The following CPA6 variants were observed in gnomAD, a reference collection of about 807,000 sequenced individuals.
CPA6 encodes the protein carboxypeptidase B.
A neutral mutation model predicts 63.3 loss-of-function variants in CPA6; 58 were observed. The ratio of observed to expected loss-of-function variants is 0.92; its 90% CI spans 0.74 to 1.14. The LOEUF is 1.14. CPA6 is among the 50% of genes most tolerant of loss of function. CPA6 has a pLI of 0.00. For missense variants in CPA6, 565 were observed against 526.6 expected, an observed-to-expected ratio of 1.07 and a Z score of -0.71; for synonymous variants, 185 against 179.0, an observed-to-expected ratio of 1.03 and a Z score of -0.27.
chr8:67,684,601 T>G (rs996555026), intron 1 of CPA6, among the ~76,000 whole-genome samples: 4 of 152,154 alleles, frequency 2.6e-5, no homozygotes, highest in African/African-American at 4.8e-5. Flanking sequence ...ATTGGCCGGA[T>G]GCCTGGAAAT....
chr8:67,484,044 C>G (rs1334055287), intron 7 of CPA6, among the ~76,000 whole-genome samples, 186 bp from the exon 8 acceptor site: 1 of 151,512 alleles, frequency 6.6e-6, no homozygotes, highest in African/African-American at 2.4e-5. Flanking sequence ...GCTCCAATTT[C>G]TGCTACAAAC....
intron 1 of CPA6, among the ~76,000 whole-genome samples, chr8:67,719,391 A>T (rs1228960421): frequency 6.6e-6 from 1 of 152,034 alleles, no homozygotes; most frequent in Non-Finnish European, 1.5e-5. Context: ...AGGATTGGGG[A>T]AATGGGCAGG....
Position 67,545,943 on chromosome 8 carries a change from G to A in CPA6, c.193-27896C>T, listed in dbSNP as rs183905592. 2.1e-3 allele frequency among the ~76,000 whole-genome samples: 325 copies of A among 152,164 alleles called. 5 individuals carry two copies. Among genetic ancestry groups the A allele is most frequent in the Non-Finnish European group, 2.6e-4 (18 of 68,006 alleles). ...AGTAGAAGATAAAGTCCAAACTCCT[G>A]GACAGCACATCTGAGCTCTCTGGTC... On this transcript the variant is annotated intron_variant, in intron 2 of 10. Coordinates refer to ENST00000297770, the MANE Select transcript of CPA6 (RefSeq NM_020361.5).
In CPA6 at chr8:67,659,205, A is replaced by G. The variant is rs536165148; in HGVS notation, c.117-34954T>C. Reference sequence around the variant, plus strand: ...AGGCAGGCCTCTTTTCGCTCTATAAAGGGCCTGGAGTCTCCCTTCCAAATG... The same window carrying G: ...AGGCAGGCCTCTTTTCGCTCTATAAGGGGCCTGGAGTCTCCCTTCCAAATG... On this transcript the variant is annotated intron_variant, in intron 1 of 10. Transcript: ENST00000297770. 5.3e-5 allele frequency among the ~76,000 whole-genome samples: 8 copies of G among 152,286 alleles called. No individual in the cohort carries two copies. In the South Asian group the frequency reaches 1.5e-3, roughly 28 times the overall value.
At chr8:67,472,448 A>G (rs925797254) in intron 8 of CPA6, among the ~76,000 whole-genome samples, 2 of 140,548 alleles carry the variant, frequency 1.4e-5, no homozygotes, top group East Asian at 3.9e-4. Flanking sequence ...TTATTGAGAC[A>G]GGGTCTGGCT....
At position 67,422,425 on chromosome 8, in the gene CPA6, C is replaced by T. The variant is rs772833643; in HGVS notation, c.*79G>A. The T allele has an allele frequency of 4.1e-5, 53 of 1,304,112 alleles. No homozygotes were observed. Among genetic ancestry groups the T allele is most frequent in the Non-Finnish European group, 5.3e-5 (49 of 932,988 alleles). The allele number at this position is 1,304,112 out of a possible 1,614,324, so 80.8% of individuals were successfully genotyped here. A position where few individuals can be genotyped will look rare whatever the true frequency, so the allele number is the denominator to read the frequency against. On this transcript the variant is annotated 3_prime_UTR_variant, in exon 11 of 11. Coordinates refer to ENST00000297770, the MANE Select transcript of CPA6 (RefSeq NM_020361.5). ...GTTCACTCTAAGCAGCTGCCCTTCTCTTTGAAAACAATTTCTATCCAGGGC... is the reference window on the plus strand; with the variant it reads ...GTTCACTCTAAGCAGCTGCCCTTCTTTTTGAAAACAATTTCTATCCAGGGC...
At chr8:67,581,889 A>G (rs1813782395) in intron 2 of CPA6, among the ~76,000 whole-genome samples, 1 of 152,184 alleles carries the variant, frequency 6.6e-6, no homozygotes, top group Admixed American at 6.5e-5. Context: ...AGATTGCATA[A>G]GCAAACAAAA....
At chr8:67,737,210 C>T (rs1374744891) in intron 1 of CPA6, among the ~76,000 whole-genome samples, 1 of 152,166 alleles carries the variant, frequency 6.6e-6, no homozygotes, top group Non-Finnish European at 1.5e-5. Flanking sequence ...CTCCTGACTC[C>T]CTCAGAGAAA....
At chr8:67,626,515 T>C (rs568143759) in intron 1 of CPA6, among the ~76,000 whole-genome samples, 1 of 152,320 alleles carries the variant, frequency 6.6e-6, no homozygotes, top group South Asian at 2.1e-4. Context: ...ATCAATGTCA[T>C]GAAGTTCATA....
At chr8:67,701,621 A>T (rs1817026453) in intron 1 of CPA6, among the ~76,000 whole-genome samples, 1 of 152,202 alleles carries the variant, frequency 6.6e-6, no homozygotes, top group South Asian at 2.1e-4. Context: ...CCCTTTCATC[A>T]ACACAACAGA....
chr8:67,558,274 CA>C (rs1453913490), intron 2 of CPA6, among the ~76,000 whole-genome samples: 1 of 152,148 alleles, frequency 6.6e-6, no homozygotes, highest in Non-Finnish European at 1.5e-5. Context: ...TCTGAACACC[CA>C]AAGAAATGCA....
chr8:67,582,228 A>G (rs546697273), intron 2 of CPA6, among the ~76,000 whole-genome samples: 52 of 152,268 alleles, frequency 3.4e-4, no homozygotes, highest in African/African-American at 1.2e-3. Flanking sequence ...CCCACCTCAG[A>G]TTCATCGCAC....
At chr8:67,567,059 A>G (rs79905214) in intron 2 of CPA6, among the ~76,000 whole-genome samples, 2,568 of 152,344 alleles carry the variant, frequency 0.017, 22 homozygotes, top group Non-Finnish European at 0.026. Flanking sequence ...TGGCACTTGG[A>G]CAGACTGAAA....
At chr8:67,668,073 T>G (rs957354176) in intron 1 of CPA6, among the ~76,000 whole-genome samples, 4 of 152,218 alleles carry the variant, frequency 2.6e-5, no homozygotes, top group African/African-American at 9.6e-5. Flanking sequence ...ACTAAAAGTG[T>G]CCTGTTTGAA....
chr8:67,456,510 T>G (rs1018193067), intron 8 of CPA6, among the ~76,000 whole-genome samples: 3 of 152,240 alleles, frequency 2.0e-5, no homozygotes, highest in African/African-American at 4.8e-5. Context: ...CCCCAGGCTC[T>G]TCTTCAGTCT....
intron 2 of CPA6, among the ~76,000 whole-genome samples, chr8:67,533,340 T>C (rs1812517616): frequency 6.6e-6 from 1 of 152,210 alleles, no homozygotes; most frequent in African/African-American, 2.4e-5. Flanking sequence ...TTGTTAACTG[T>C]TAAGAGATTA....
intron 2 of CPA6, among the ~76,000 whole-genome samples, chr8:67,582,879 T>A (rs1383957874): frequency 6.6e-6 from 1 of 152,140 alleles, no homozygotes; most frequent in East Asian, 1.9e-4. Context: ...TAATTATCAG[T>A]GGTGCTGTAG....
At chr8:67,484,893 T>TC in intron 6 of CPA6, 104 bp from the exon 7 acceptor site, 2 of 573,514 alleles carry the variant, frequency 3.5e-6, no homozygotes, top group South Asian at 2.6e-5. Context: ...ATACGGTGGT[T>TC]TAAAAAGTCA....
At chr8:67,535,819 T>C (rs1812572927) in intron 2 of CPA6, among the ~76,000 whole-genome samples, 1 of 152,226 alleles carries the variant, frequency 6.6e-6, no homozygotes, top group Non-Finnish European at 1.5e-5. Context: ...GGTTTTCTTC[T>C]AGGGTTTTTA....
Sources: gnomAD v4.1 joint callset for allele counts (sites outside exome capture counted in the v4.1 genomes callset) on GRCh38, gnomAD v4.1.1 for gene constraint, MANE v1.5 for transcripts, NCBI Gene and HGNC (gene_info 2026-07-23, HGNC 2026-07-21) for gene names.